UVRAG: variants seen among roughly 807,000 people sequenced by gnomAD.
UVRAG encodes the protein UV radiation resistance associated.
In UVRAG, 19 loss-of-function variants were observed where a neutral mutation model predicts 78.0. The ratio of observed to expected loss-of-function variants is 0.24; its 90% confidence interval spans 0.17 to 0.36. The LOEUF (loss-of-function observed/expected upper bound fraction) is 0.36, where lower values mean the gene tolerates loss of function less well. UVRAG is among the 10% of genes least tolerant of loss of function. UVRAG has a pLI of 1.00. For missense variants in UVRAG, 740 were observed against 853.8 expected (o/e 0.87, Z 1.66); for synonymous variants, 323 against 324.6 (o/e 1.00, Z 0.05).
intron 1 of UVRAG, chr11:75,835,229 G>C (rs967240737): frequency 6.6e-6 from 1 of 152,182 alleles, no homozygotes; most frequent in African/African-American, 2.4e-5. Flanking sequence ...GACTAGTCAA[G>C]TGTAGTAGTG....
intron 12 of UVRAG, among the ~76,000 whole-genome samples, chr11:76,024,868 G>A (rs986474348): frequency 6.6e-6 from 1 of 152,050 alleles, no homozygotes; most frequent in Admixed American, 6.6e-5. Context: ...GACATTAGAT[G>A]GAATCAGATC....
intron 7 of UVRAG, among the ~76,000 whole-genome samples, chr11:75,978,276 CCTTTCTCT>C (rs1224711654): frequency 2.6e-5 from 4 of 152,088 alleles, no homozygotes; most frequent in African/African-American, 9.7e-5. Context: ...GGTAACCTGA[CCTTTCTCT>C]CTGGCTGCCC....
At chr11:75,844,138 A>G (rs948378557) in intron 1 of UVRAG, among the ~76,000 whole-genome samples, 10 of 152,196 alleles carry the variant, frequency 6.6e-5, no homozygotes, top group African/African-American at 2.4e-4. Context: ...TGGATCTACA[A>G]GGCCATAAAC....
chr11:76,016,761 G>T (rs936153681), intron 11 of UVRAG, 54 bp from the exon 12 acceptor site: 5 of 1,384,478 alleles, frequency 3.6e-6, no homozygotes, highest in South Asian at 3.6e-5. Flanking sequence ...ATTATCTTAT[G>T]GTTATTTATA....
intron 1 of UVRAG, among the ~76,000 whole-genome samples, chr11:75,820,103 A>G (rs1393080294): frequency 6.6e-6 from 1 of 152,034 alleles, no homozygotes; most frequent in African/African-American, 2.4e-5. Context: ...CAGCCTCCCT[A>G]GTATCTAGGA....
chr11:76,047,864 C>G (rs996713204), intron 12 of UVRAG, among the ~76,000 whole-genome samples: 2 of 152,162 alleles, frequency 1.3e-5, no homozygotes, highest in African/African-American at 2.4e-5. Flanking sequence ...TAACATCCTC[C>G]AACTTTAGAA....
intron 3 of UVRAG, among the ~76,000 whole-genome samples, chr11:75,876,070 G>A (rs1256654617): frequency 8.5e-5 from 13 of 152,058 alleles, no homozygotes; most frequent in African/African-American, 2.9e-4. Context: ...GTATAGATCC[G>A]TCATGGCTTC....
intron 12 of UVRAG, among the ~76,000 whole-genome samples, chr11:76,032,783 G>T (rs980569340): frequency 3.3e-5 from 5 of 152,140 alleles, no homozygotes; most frequent in African/African-American, 1.2e-4. Flanking sequence ...CACGTACACT[G>T]GCACAAAGCA....
intron 7 of UVRAG, among the ~76,000 whole-genome samples, chr11:75,977,617 A>G (rs1408514754): frequency 2.6e-5 from 4 of 152,086 alleles, no homozygotes; most frequent in Non-Finnish European, 5.9e-5. Flanking sequence ...TCTCTTTACC[A>G]TTATGTAATG....
chr11:76,050,970 A>G (rs910737875), intron 12 of UVRAG, among the ~76,000 whole-genome samples: 8 of 152,274 alleles, frequency 5.3e-5, no homozygotes, highest in Middle Eastern at 3.4e-3. Flanking sequence ...TCCTCTTCTC[A>G]TCTCAAAATA....
At chr11:75,846,192 A>G (rs968844373) in intron 1 of UVRAG, among the ~76,000 whole-genome samples, 1 of 152,166 alleles carries the variant, frequency 6.6e-6, no homozygotes, top group Non-Finnish European at 1.5e-5. Context: ...CTTATACTCG[A>G]GAGCAGTTGA....
At chr11:75,930,287 T>A (rs1948206225) in intron 6 of UVRAG, among the ~76,000 whole-genome samples, 1 of 152,254 alleles carries the variant, frequency 6.6e-6, no homozygotes, top group Non-Finnish European at 1.5e-5. Flanking sequence ...TCAGTAGAAT[T>A]TGTATGCTTA....
At chr11:76,018,610 T>C (rs961855204) in intron 12 of UVRAG, among the ~76,000 whole-genome samples, 1 of 152,226 alleles carries the variant, frequency 6.6e-6, no homozygotes, top group African/African-American at 2.4e-5. Context: ...GGTTTCACCA[T>C]GTTGGCCAGG....
At chr11:75,984,602 G>A (rs1033970057) in intron 8 of UVRAG, among the ~76,000 whole-genome samples, 5 of 152,180 alleles carry the variant, frequency 3.3e-5, no homozygotes, top group African/African-American at 9.7e-5. Flanking sequence ...ACCCATGTGA[G>A]CAGAATCTCA....
chr11:76,006,634 CTGAGTGTTAAAG>C (rs1269778746), intron 9 of UVRAG, among the ~76,000 whole-genome samples: 2 of 111,608 alleles, frequency 1.8e-5, no homozygotes, highest in African/African-American at 6.9e-5. Flanking sequence ...GTACTCCAGC[CTGAGTGTTAAAG>C]TGAGACCCCG....
chr11:75,877,360 T>C (rs1263968355), intron 3 of UVRAG, among the ~76,000 whole-genome samples: 2 of 152,130 alleles, frequency 1.3e-5, no homozygotes, highest in Non-Finnish European at 2.9e-5. Context: ...CAATGAGCTG[T>C]TGGGCACACC....
chr11:75,977,553 T>C (rs1949271691), intron 7 of UVRAG, among the ~76,000 whole-genome samples: 2 of 152,216 alleles, frequency 1.3e-5, no homozygotes, highest in Admixed American at 1.3e-4. Context: ...ATCTGGGTGC[T>C]CCTGTATTGG....
At chr11:76,110,177 G>A (rs1952044681) in intron 13 of UVRAG, among the ~76,000 whole-genome samples, 1 of 142,178 alleles carries the variant, frequency 7.0e-6, no homozygotes, top group Non-Finnish European at 1.5e-5. Context: ...ATACTGTGAT[G>A]ATGATAATGT....
At chr11:75,822,627 C>T (rs1945417883) in intron 1 of UVRAG, among the ~76,000 whole-genome samples, 1 of 151,750 alleles carries the variant, frequency 6.6e-6, no homozygotes. Flanking sequence ...TAGAGCAGCT[C>T]ACGGAACTCA....
Sources: gnomAD v4.1 joint callset for allele counts (sites outside exome capture counted in the v4.1 genomes callset) on GRCh38, gnomAD v4.1.1 for gene constraint, MANE v1.5 for transcripts, NCBI Gene and HGNC (gene_info 2026-07-23, HGNC 2026-07-21) for gene names.